The following FARS2 variants were observed in gnomAD, a reference collection of about 807,000 sequenced individuals.
The protein encoded by FARS2 is phenylalanyl-tRNA synthetase 2, mitochondrial, also known as phenylalanine--tRNA ligase, mitochondrial.
A neutral mutation model predicts 46.4 loss-of-function variants in FARS2; 40 were observed. The ratio of observed to expected loss-of-function variants is 0.86; its 90% CI spans 0.67 to 1.12. FARS2 has a LOEUF of 1.12. Ranked by LOEUF, FARS2 falls within the 50% of genes most tolerant of loss-of-function variation. The pLI, the probability that FARS2 is intolerant of heterozygous loss-of-function variation, is 0.00. For synonymous variants in FARS2, 234 were observed against 214.9 expected (o/e 1.09, Z -0.78); for missense variants, 513 against 567.9 (o/e 0.90, Z 0.98).
intron 6 of FARS2, among the ~76,000 whole-genome samples, chr6:5,666,221 A>C (rs1778112570): frequency 6.6e-6 from 1 of 152,196 alleles, no homozygotes; most frequent in Non-Finnish European, 1.5e-5. Context: ...CCCTCAACTA[A>C]CTTAGAATAT....
chr6:5,700,428 A>T (rs1758354326), intron 6 of FARS2, among the ~76,000 whole-genome samples: 1 of 150,866 alleles, frequency 6.6e-6, no homozygotes, highest in Non-Finnish European at 1.5e-5. Flanking sequence ...TTTTTTTGAG[A>T]TGAAGTCTTG....
At chr6:5,736,782 G>T (rs1388525669) in intron 6 of FARS2, among the ~76,000 whole-genome samples, 1 of 151,076 alleles carries the variant, frequency 6.6e-6, no homozygotes, top group East Asian at 1.9e-4. Context: ...AAACCACATA[G>T]GTGCTAGAAT....
intron 6 of FARS2, among the ~76,000 whole-genome samples, chr6:5,637,913 A>C (rs960309059): frequency 6.6e-6 from 1 of 152,162 alleles, no homozygotes; most frequent in Non-Finnish European, 1.5e-5. Flanking sequence ...CTGTCTCTCA[A>C]TACAGCCACA....
intron 6 of FARS2, among the ~76,000 whole-genome samples, chr6:5,711,906 C>T (rs572564064): frequency 1.0e-3 from 155 of 152,238 alleles, no homozygotes; most frequent in African/African-American, 3.0e-3. Context: ...CTAACATACT[C>T]GTGTACCAGG....
intron 6 of FARS2, among the ~76,000 whole-genome samples, chr6:5,766,468 CTG>C (rs576653851): frequency 6.6e-6 from 1 of 152,376 alleles, no homozygotes; most frequent in Admixed American, 6.5e-5. Flanking sequence ...GCTGTGCCCT[CTG>C]TTGGTGGAAG....
chr6:5,422,360 TTCTCTCTCTC>T (rs149247829), intron 3 of FARS2, among the ~76,000 whole-genome samples: 1 of 151,124 alleles, frequency 6.6e-6, no homozygotes, highest in Admixed American at 6.6e-5. Context: ...GCCTGTTTGG[TTCTCTCTCTC>T]TCTCTCTCTT....
At chr6:5,546,895 A>G (rs1444342928) in intron 5 of FARS2, among the ~76,000 whole-genome samples, 1 of 151,636 alleles carries the variant, frequency 6.6e-6, no homozygotes, top group Non-Finnish European at 1.5e-5. Flanking sequence ...CATTTCATCC[A>G]TTCTTCCTTA....
intron 1 of FARS2, among the ~76,000 whole-genome samples, chr6:5,341,549 C>T (rs954763970): frequency 6.6e-6 from 1 of 151,392 alleles, no homozygotes; most frequent in Admixed American, 6.6e-5. Context: ...GACAGAGTCT[C>T]GCTCTGTTGC....
intron 6 of FARS2, among the ~76,000 whole-genome samples, chr6:5,703,478 T>C (rs1758563452): frequency 6.6e-6 from 1 of 152,238 alleles, no homozygotes; most frequent in South Asian, 2.1e-4. Context: ...TTTTTGCAGC[T>C]ATCCCATTGT....
At chr6:5,742,826 T>C (rs1761427913) in intron 6 of FARS2, among the ~76,000 whole-genome samples, 1 of 152,038 alleles carries the variant, frequency 6.6e-6, no homozygotes, top group Non-Finnish European at 1.5e-5. Flanking sequence ...CAAAACGACA[T>C]AGTATTGAAG....
At chr6:5,351,712 C>T (rs1341267723) in intron 1 of FARS2, among the ~76,000 whole-genome samples, 1 of 152,134 alleles carries the variant, frequency 6.6e-6, no homozygotes, top group Non-Finnish European at 1.5e-5. Context: ...CACCTACGTA[C>T]ATACAAAATA....
At chr6:5,440,022 A>C (rs1763751759) in intron 4 of FARS2, among the ~76,000 whole-genome samples, 1 of 152,158 alleles carries the variant, frequency 6.6e-6, no homozygotes, top group South Asian at 2.1e-4. Context: ...GTCTGTTCAA[A>C]TATTTACTTA....
At chr6:5,518,694 G>A (rs371380142) in intron 4 of FARS2, among the ~76,000 whole-genome samples, 3 of 152,234 alleles carry the variant, frequency 2.0e-5, no homozygotes, top group African/African-American at 7.2e-5. Flanking sequence ...TGAAAGTATA[G>A]TGTTTCTATT....
chr6:5,277,467 C>T (rs1766415519), intron 1 of FARS2, among the ~76,000 whole-genome samples: 1 of 152,050 alleles, frequency 6.6e-6, no homozygotes, highest in Non-Finnish European at 1.5e-5. Context: ...CAATAATACA[C>T]ATTTTTTTTA....
At chr6:5,301,846 C>CAAAG (rs1554159344) in intron 1 of FARS2, among the ~76,000 whole-genome samples, 5 of 143,366 alleles carry the variant, frequency 3.5e-5, no homozygotes, top group Admixed American at 2.1e-4. Flanking sequence ...CACACACACA[C>CAAAG]AAAGAAAATG....
At chr6:5,751,801 G>A (rs963197433) in intron 6 of FARS2, among the ~76,000 whole-genome samples, 29 of 152,232 alleles carry the variant, frequency 1.9e-4, no homozygotes, top group African/African-American at 6.3e-4. Flanking sequence ...CACAAAAAAG[G>A]ACTCTCAGTT....
chr6:5,515,559 G>T (rs1768733799), intron 4 of FARS2, among the ~76,000 whole-genome samples: 1 of 152,156 alleles, frequency 6.6e-6, no homozygotes, highest in Non-Finnish European at 1.5e-5. Context: ...TTCCCAAGTA[G>T]TTGGGATTAT....
intron 5 of FARS2, among the ~76,000 whole-genome samples, chr6:5,581,125 A>G (rs56150837): frequency 0.012 from 1,816 of 152,330 alleles, 31 homozygotes; most frequent in African/African-American, 0.041. Context: ...CCATTTTCAC[A>G]ACTGGATTTG....
intron 6 of FARS2, among the ~76,000 whole-genome samples, chr6:5,638,143 C>T (rs1261029790): frequency 6.6e-6 from 1 of 152,188 alleles, no homozygotes; most frequent in Admixed American, 6.5e-5. Context: ...CAGTCACTCT[C>T]TGATCCTATA....
Sources: allele counts gnomAD v4.1 joint callset (sites outside exome capture counted in the v4.1 genomes callset), GRCh38; gene constraint gnomAD v4.1.1; transcripts MANE v1.5; gene names NCBI Gene and HGNC (gene_info 2026-07-23, HGNC 2026-07-21).